Variants in MEF2C observed in about 807,000 individuals in gnomAD.
MEF2C encodes myocyte-specific enhancer factor 2C.
A neutral mutation model predicts 50.5 loss-of-function variants in MEF2C; 6 were observed. The observed-to-expected ratio is 0.12, with a 90% CI of 0.07 to 0.23. The LOEUF is 0.23. MEF2C is among the 10% of genes least tolerant of loss of function. The pLI is 1.00. For missense variants in MEF2C, 276 were observed against 605.0 expected (o/e 0.46, Z 5.70); for synonymous variants, 183 against 228.0 (o/e 0.80, Z 1.78).
chr5:88,751,196 A>C, intron 5 of MEF2C: 1 of 979,880 alleles, frequency 1.0e-6, no homozygotes, highest in East Asian at 1.1e-4. Flanking sequence ...CTAAGAATGG[A>C]TGAACTTTTT....
chr5:88,766,770 T>C (rs1780237758), intron 3 of MEF2C: 2 of 985,290 alleles, frequency 2.0e-6, no homozygotes, highest in Non-Finnish European at 2.4e-6. Flanking sequence ...AGGGTTGATG[T>C]GTCAAGAACA....
chr5:88,795,574 T>C (rs1238843598), intron 3 of MEF2C, among the ~76,000 whole-genome samples: 1 of 152,212 alleles, frequency 6.6e-6, no homozygotes, highest in East Asian at 1.9e-4. Flanking sequence ...TATGCAATCA[T>C]GTCACCTGCA....
At chr5:88,844,738 T>C (rs549477539) in intron 1 of MEF2C, 176 of 211,746 alleles carry the variant, frequency 8.3e-4, no homozygotes, top group African/African-American at 4.0e-3. Flanking sequence ...AATAGTGTTA[T>C]AGTATACCAG....
At chr5:88,733,429 G>T (rs1762533250) in intron 6 of MEF2C, 1 of 985,288 alleles carries the variant, frequency 1.0e-6, no homozygotes, top group Non-Finnish European at 1.2e-6. Flanking sequence ...CAGAGTAGAG[G>T]TATGACACAG....
chr5:88,848,052 T>C (rs1181270069), intron 1 of MEF2C, among the ~76,000 whole-genome samples: 2 of 152,196 alleles, frequency 1.3e-5, no homozygotes, highest in Admixed American at 6.5e-5. Context: ...CTTACAACTA[T>C]GCTTACAACT....
upstream of MEF2C, chr5:88,884,307 G>C (rs1363840025): frequency 6.6e-6 from 1 of 152,158 alleles, no homozygotes; most frequent in Non-Finnish European, 1.5e-5. Flanking sequence ...CCACCGGTCG[G>C]TGCGCTCCTC....
intron 2 of MEF2C, among the ~76,000 whole-genome samples, chr5:88,807,034 T>G (rs1296244034): frequency 1.3e-5 from 2 of 152,158 alleles, no homozygotes; most frequent in Admixed American, 1.3e-4. Context: ...CCCATGAAAT[T>G]TTTTTAACAA....
chr5:88,754,857 C>T (rs1561840398), intron 4 of MEF2C, among the ~76,000 whole-genome samples: 4 of 152,252 alleles, frequency 2.6e-5, no homozygotes, highest in Admixed American at 1.3e-4. Context: ...GTCCACAGGC[C>T]CTATTAAGCT....
At position 88,752,076 on chromosome 5, in the gene MEF2C, G is replaced by T. The variant is rs760658767; in HGVS notation, c.403-33C>A. The stretch of plus-strand genomic sequence containing the variant: ...AACAGAAAACAAAACAAAGGTAAAA[G>T]AAAAGAATTAATAACAGAAGCTCTT... On this transcript the variant is annotated intron_variant, in intron 4 of 10. Coordinates refer to ENST00000504921, the MANE Select transcript of MEF2C (RefSeq NM_002397.5). 28 of 1,553,842 alleles carry T rather than the reference G, an allele frequency of 1.8e-5. No homozygotes were observed. In the South Asian group the frequency reaches 3.2e-4, roughly 18 times the overall value.
rs190757574 is a variant in MEF2C, at chr5:88,882,761, T to C, written c.-143+194A>G. Reference sequence around the variant, plus strand: ...AGCTGATGGCAAACGGATACGACTATCTAAAAAGTTACTTTTAGCAACAAA... The same window carrying C: ...AGCTGATGGCAAACGGATACGACTACCTAAAAAGTTACTTTTAGCAACAAA... On this transcript the variant is annotated intron_variant, in intron 1 of 10. Transcript: ENST00000504921. Among the ~76,000 whole-genome samples the C allele has an allele frequency of 3.4e-4, 52 of 152,266 alleles. 1 individual carries two copies. In the East Asian group the frequency reaches 7.5e-3, roughly 22 times the overall value.
intron 3 of MEF2C, among the ~76,000 whole-genome samples, chr5:88,803,149 T>TTTA (rs1799050035): frequency 6.6e-6 from 1 of 152,178 alleles, no homozygotes; most frequent in Admixed American, 6.5e-5. Flanking sequence ...ATAGGTAAAT[T>TTTA]TTATCAGTGA....
chr5:88,888,969 T>C (rs1038016895), intron 1 of MEF2C: 4 of 152,252 alleles, frequency 2.6e-5, no homozygotes, highest in South Asian at 4.1e-4. Flanking sequence ...ATTCAAGGAA[T>C]GGATTTTCAC....
At chr5:88,875,476 A>G (rs1332242635) in intron 1 of MEF2C, among the ~76,000 whole-genome samples, 1 of 152,028 alleles carries the variant, frequency 6.6e-6, no homozygotes, top group Non-Finnish European at 1.5e-5. Flanking sequence ...TTCATTGAAA[A>G]GAAACCATTA....
chr5:88,882,868 G>A (rs1036349277), intron 1 of MEF2C, 87 bp downstream of exon 1: 3 of 152,144 alleles, frequency 2.0e-5, no homozygotes, highest in African/African-American at 4.8e-5. Flanking sequence ...GGGATAGATA[G>A]ACACAGTGCC....
intron 3 of MEF2C, among the ~76,000 whole-genome samples, chr5:88,800,836 A>C (rs1186078121): frequency 2.6e-5 from 4 of 152,352 alleles, no homozygotes; most frequent in Non-Finnish European, 4.4e-5. Context: ...CAATGGATTA[A>C]AAATTTAACA....
chr5:88,873,639 A>G (rs922979716), intron 1 of MEF2C, among the ~76,000 whole-genome samples: 20 of 151,140 alleles, frequency 1.3e-4, no homozygotes, highest in African/African-American at 4.9e-4. Flanking sequence ...CCCAAGAGTC[A>G]TAGGGAAACA....
upstream of MEF2C, chr5:88,883,330 G>T: frequency 6.5e-6 from 1 of 153,266 alleles, no homozygotes. Flanking sequence ...AGAAGGAGGA[G>T]GAAGAGAAGG....
intron 1 of MEF2C, 96 bp from the exon 2 acceptor site, chr5:88,824,026 G>A: frequency 5.3e-6 from 6 of 1,128,794 alleles, no homozygotes; most frequent in Non-Finnish European, 6.8e-6. Context: ...AAACTATATG[G>A]AGCTAAAGCA....
In MEF2C at chr5:88,743,252, T is replaced by C. The variant is rs558734886; in HGVS notation, c.637+5818A>G. On this transcript the variant is annotated intron_variant, in intron 6 of 10. Coordinates refer to ENST00000504921, the MANE Select transcript of MEF2C (RefSeq NM_002397.5). ...ATTGCAATCTTAAGTTATGTTTTCC[T>C]GGGCAACAAAAAATGCAAACTTGTT... 264 of 984,696 alleles carry C rather than the reference T, an allele frequency of 2.7e-4. 1 individual carries two copies. In the Middle Eastern group the frequency reaches 9.4e-3, roughly 35 times the overall value. 61.0% of individuals were successfully genotyped at this position (984,696 alleles called of 1,614,324 possible). A position where few individuals can be genotyped will look rare whatever the true frequency, so the allele number is the denominator to read the frequency against.
Sources: gnomAD v4.1 joint callset for allele counts (sites outside exome capture counted in the v4.1 genomes callset) on GRCh38, gnomAD v4.1.1 for gene constraint, MANE v1.5 for transcripts, NCBI Gene and HGNC (gene_info 2026-07-23, HGNC 2026-07-21) for gene names.